SLC25A51: variants seen among roughly 807,000 people sequenced by gnomAD.
The protein encoded by SLC25A51 is solute carrier family 25 member 51.
A neutral mutation model predicts 19.1 loss-of-function variants in SLC25A51; 11 were observed. That is an observed-to-expected ratio of 0.58 (90% CI 0.36 to 0.96). The LOEUF (loss-of-function observed/expected upper bound fraction) is 0.96. SLC25A51 is among the 40% of genes least tolerant of loss of function. The pLI, the probability that SLC25A51 is intolerant of heterozygous loss-of-function variation, is 0.01. For synonymous variants in SLC25A51, 105 were observed against 133.6 expected (o/e 0.79, Z 1.47); for missense variants, 201 against 365.4 (o/e 0.55, Z 3.67).
chr9:37,897,967 T>C (rs1831757646), intron 2 of SLC25A51, among the ~76,000 whole-genome samples: 1 of 152,180 alleles, frequency 6.6e-6, no homozygotes, highest in South Asian at 2.1e-4. Flanking sequence ...GCAGGAGGCC[T>C]TCCTTCTGCT....
intron 2 of SLC25A51, among the ~76,000 whole-genome samples, chr9:37,896,881 A>G (rs990692810): frequency 2.6e-5 from 4 of 152,180 alleles, no homozygotes; most frequent in African/African-American, 9.7e-5. Context: ...ATTAAAGAGC[A>G]TATGTATGTC....
chr9:37,887,831 C>A lies in SLC25A51; in HGVS notation c.720G>T (p.Gln240His). ...ACTGAAATTCCCCACCAATCTGAGA[C>A]TGTATGCGAGTTTTTACAACATTAA... is the stretch of plus-strand genomic sequence containing the variant. ...FPINVVKTRI[Q>H]SQIGGEFQSF... The change falls in exon 3 of 3, where the codon CAG becomes CAT. Residue 240 changes from glutamine (Q) to histidine (H), a missense_variant. Transcript: ENST00000242275. 6.2e-7 allele frequency: 1 copy of A among 1,613,176 alleles called. No individual in the cohort carries two copies. Among genetic ancestry groups the A allele is most frequent in the South Asian group, 1.1e-5 (1 of 91,048 alleles).
chr9:37,900,609 T>C (rs1034118858), intron 1 of SLC25A51, among the ~76,000 whole-genome samples: 4 of 151,966 alleles, frequency 2.6e-5, no homozygotes, highest in African/African-American at 9.7e-5. Context: ...TTAAAAAACA[T>C]TTTTTTAGCA....
chr9:37,904,025 G>A (rs1831918310), intron 1 of SLC25A51, 43 bp downstream of exon 1: 1 of 152,392 alleles, frequency 6.6e-6, no homozygotes, highest in Non-Finnish European at 1.5e-5. Flanking sequence ...CCAACCTCAT[G>A]CGAAGAAAGC....
Position 37,887,794 on chromosome 9 carries a change from C to T in SLC25A51, c.757G>A (p.Val253Ile). 4 of 1,613,742 alleles carry T rather than the reference C, an allele frequency of 2.5e-6. No homozygotes were observed. Among genetic ancestry groups the T allele is most frequent in the South Asian group, 2.2e-5 (2 of 91,074 alleles). The part of the protein sequence containing the change: ...IGGEFQSFPK[V>I]FQKIWLERDR... Reference sequence around the variant, plus strand: ...CGTTCCAGCCAGATTTTTTGGAAAACCTTGGGGAAAGACTGAAATTCCCCA... The same window carrying T: ...CGTTCCAGCCAGATTTTTTGGAAAATCTTGGGGAAAGACTGAAATTCCCCA... Residue 253 changes from valine (V) to isoleucine (I), a missense_variant, in exon 3 of 3, where the codon GTT (valine) becomes ATT (isoleucine). Coordinates refer to ENST00000242275, the MANE Select transcript of SLC25A51 (RefSeq NM_033412.4).
At chr9:37,892,740 A>ATT in intron 2 of SLC25A51, among the ~76,000 whole-genome samples, 1 of 141,774 alleles carries the variant, frequency 7.1e-6, no homozygotes, top group Non-Finnish European at 1.6e-5. Context: ...CACCTGGTTA[A>ATT]TTTTTTTTTT....
chr9:37,893,088 G>A (rs1831635238), intron 2 of SLC25A51, among the ~76,000 whole-genome samples: 1 of 152,092 alleles, frequency 6.6e-6, no homozygotes, highest in Non-Finnish European at 1.5e-5. Context: ...ATGTTGCCCA[G>A]GCTGGTCTTG....
chr9:37,890,067 T>A (rs1831549079), intron 2 of SLC25A51, among the ~76,000 whole-genome samples: 1 of 152,034 alleles, frequency 6.6e-6, no homozygotes, highest in South Asian at 2.1e-4. Flanking sequence ...CTAAATATTT[T>A]TTAATTGGAT....
chr9:37,893,791 G>A (rs1032117042), intron 2 of SLC25A51, among the ~76,000 whole-genome samples: 1 of 152,182 alleles, frequency 6.6e-6, no homozygotes, highest in South Asian at 2.1e-4. Flanking sequence ...CAGAAGAAAC[G>A]TGTATAACCT....
chr9:37,883,926 T>C (rs1831396784), downstream of SLC25A51, among the ~76,000 whole-genome samples: 1 of 152,216 alleles, frequency 6.6e-6, no homozygotes, highest in Non-Finnish European at 1.5e-5. Flanking sequence ...GCTTCATCCT[T>C]TACAGCTGGA....
Position 37,898,815 on chromosome 9 carries a change from C to A in SLC25A51, c.-43+1014G>T, listed in dbSNP as rs567031158. On this transcript the variant is annotated intron_variant, in intron 2 of 2. Coordinates refer to ENST00000242275, the MANE Select transcript of SLC25A51 (RefSeq NM_033412.4). ...TTTTCAAACATGGGAAGGAAATATACATTTATTATTGTTGTACTGAAGTTC... is the reference window on the plus strand; with the variant it reads ...TTTTCAAACATGGGAAGGAAATATAAATTTATTATTGTTGTACTGAAGTTC... Among the ~76,000 whole-genome samples, 3 of 152,278 alleles carry A rather than the reference C, an allele frequency of 2.0e-5. No homozygotes were observed. In the East Asian group the frequency reaches 5.8e-4, roughly 29 times the overall value.
downstream of SLC25A51, chr9:37,879,187 G>T: frequency 3.3e-6 from 1 of 301,968 alleles, no homozygotes. Context: ...ATGAAGGGGT[G>T]GCAGTCGTAC....
chr9:37,894,329 CT>C (rs545485331), intron 2 of SLC25A51, among the ~76,000 whole-genome samples: 2,302 of 141,788 alleles, frequency 0.016, 18 homozygotes, highest in Non-Finnish European at 0.024. Flanking sequence ...TTTTTTTTAA[CT>C]TTTTTTTTTT....
At chr9:37,879,108 T>C, downstream of SLC25A51, 1 of 355,670 alleles carries the variant, frequency 2.8e-6, no homozygotes, top group Non-Finnish European at 5.7e-6. Context: ...AATTTTGGCA[T>C]TCCATGTAGA....
chr9:37,901,780 C>T (rs1831853861), intron 1 of SLC25A51, among the ~76,000 whole-genome samples: 1 of 152,220 alleles, frequency 6.6e-6, no homozygotes, highest in South Asian at 2.1e-4. Flanking sequence ...ATGTTCTAGA[C>T]ACTGAAGTCT....
At chr9:37,895,562 A>G (rs1831699130) in intron 2 of SLC25A51, among the ~76,000 whole-genome samples, 1 of 151,784 alleles carries the variant, frequency 6.6e-6, no homozygotes, top group South Asian at 2.1e-4. Context: ...TTTACTATAC[A>G]TTTTCATATA....
At chr9:37,903,871 G>A (rs1019183712) in intron 1 of SLC25A51, 197 bp downstream of exon 1, 2 of 152,304 alleles carry the variant, frequency 1.3e-5, no homozygotes, top group Admixed American at 1.3e-4. Flanking sequence ...CGGAGCCGAG[G>A]AGGCTCAGAA....
intron 2 of SLC25A51, among the ~76,000 whole-genome samples, chr9:37,898,004 T>C (rs1831758320): frequency 6.6e-6 from 1 of 152,196 alleles, no homozygotes; most frequent in African/African-American, 2.4e-5. Context: ...TCACAAATCA[T>C]GCCAAAAACC....
downstream of SLC25A51, among the ~76,000 whole-genome samples, chr9:37,887,066 C>G (rs930028330): frequency 7.9e-5 from 12 of 151,890 alleles, no homozygotes; most frequent in African/African-American, 2.9e-4. Flanking sequence ...CCTATAATCC[C>G]AGCACTTTGG....
Sources: allele counts gnomAD v4.1 joint callset (sites outside exome capture counted in the v4.1 genomes callset), GRCh38; gene constraint gnomAD v4.1.1; transcripts MANE v1.5; gene names NCBI Gene and HGNC (gene_info 2026-07-23, HGNC 2026-07-21).